The following SLC44A5 variants were observed in gnomAD, a reference collection of about 807,000 sequenced individuals.
SLC44A5 encodes solute carrier family 44 member 5.
In SLC44A5, 57 loss-of-function variants were observed where a neutral mutation model predicts 101.8. That is an observed-to-expected ratio of 0.56 (90% CI 0.45 to 0.70). The LOEUF (loss-of-function observed/expected upper bound fraction) is 0.70, where lower values mean the gene tolerates loss of function less well. Among genes scored for constraint, SLC44A5 ranks in the 30% least tolerant of loss-of-function variants. The pLI is 0.00. For synonymous variants in SLC44A5, 281 were observed against 290.9 expected (o/e 0.97, Z 0.35); for missense variants, 737 against 853.1 (o/e 0.86, Z 1.70).
intron 4 of SLC44A5, among the ~76,000 whole-genome samples, chr1:75,330,106 TACACACACAC>T (rs59962302): frequency 1.3e-4 from 17 of 128,640 alleles, no homozygotes; most frequent in East Asian, 2.1e-4. Context: ...TATATATATA[TACACACACAC>T]ACACACACAC....
chr1:75,440,495 T>A (rs1665134777), intron 2 of SLC44A5, among the ~76,000 whole-genome samples: 1 of 152,072 alleles, frequency 6.6e-6, no homozygotes, highest in African/African-American at 2.4e-5. Context: ...ATAACAAAGC[T>A]AGGGTAAAGG....
chr1:75,626,616 G>A, the SLC44A5 span, among the ~76,000 whole-genome samples: 1 of 152,032 alleles, frequency 6.6e-6, no homozygotes, highest in African/African-American at 2.4e-5. Context: ...CATCCTCTCA[G>A]CCTGCCTTTT....
At chr1:75,383,829 G>A (rs951134861) in intron 3 of SLC44A5, among the ~76,000 whole-genome samples, 5 of 152,096 alleles carry the variant, frequency 3.3e-5, no homozygotes, top group Non-Finnish European at 7.4e-5. Flanking sequence ...ACCCTCAAAG[G>A]GAAGCCCATC....
chr1:75,597,655 C>G (rs778625724), intron 1 of SLC44A5, among the ~76,000 whole-genome samples: 3 of 152,188 alleles, frequency 2.0e-5, no homozygotes, highest in Non-Finnish European at 2.9e-5. Context: ...ACACCTACAA[C>G]TGTCTGATCT....
intron 23 of SLC44A5, 67 bp downstream of exon 23, chr1:75,211,401 T>C (rs550168440): frequency 7.9e-7 from 1 of 1,263,622 alleles, no homozygotes; most frequent in African/African-American, 1.5e-5. Context: ...GCTAAGGACA[T>C]GGGCCTTCAC....
the SLC44A5 span, among the ~76,000 whole-genome samples, chr1:75,657,265 A>G: frequency 8.5e-5 from 13 of 152,298 alleles, no homozygotes; most frequent in Middle Eastern, 3.4e-3. Context: ...GAAAGTGAAG[A>G]GGGCCAGATG....
At chr1:75,393,526 T>C (rs1430597111) in intron 3 of SLC44A5, among the ~76,000 whole-genome samples, 1 of 152,210 alleles carries the variant, frequency 6.6e-6, no homozygotes, top group Non-Finnish European at 1.5e-5. Context: ...AGGGGCAAAG[T>C]AGCCAATATC....
the SLC44A5 span, among the ~76,000 whole-genome samples, chr1:75,640,608 A>G: frequency 6.6e-6 from 1 of 151,946 alleles, no homozygotes; most frequent in African/African-American, 2.4e-5. Flanking sequence ...TCTCTGGGGG[A>G]AATTTTGAAT....
intron 2 of SLC44A5, among the ~76,000 whole-genome samples, chr1:75,511,917 C>A (rs553944696): frequency 2.0e-5 from 3 of 152,292 alleles, no homozygotes; most frequent in African/African-American, 7.2e-5. Context: ...ATTATAATCT[C>A]AACTACATAG....
chr1:75,546,092 G>T (rs1016411290), intron 1 of SLC44A5, among the ~76,000 whole-genome samples: 2 of 151,812 alleles, frequency 1.3e-5, no homozygotes, highest in African/African-American at 4.8e-5. Flanking sequence ...AAAGTGCTGG[G>T]GTTACAACTC....
intron 5 of SLC44A5, 63 bp downstream of exon 5, chr1:75,300,549 T>A: frequency 9.1e-7 from 1 of 1,096,652 alleles, no homozygotes; most frequent in Non-Finnish European, 1.3e-6. Flanking sequence ...TTTTTATATG[T>A]GACACTGACT....
rs115707347 is a variant in SLC44A5 at position 75,362,257 on chromosome 1, T to G, written c.53-22627A>C. On this transcript the variant is annotated intron_variant, in intron 3 of 23. Coordinates refer to ENST00000370859, the MANE Select transcript of SLC44A5 (RefSeq NM_001130058.2). ...TTAAAAAAATGTTCGTTTCATTGAT[T>G]TTTTTTCTATTGTTTTTCTAGTCTC... 8.7e-3 allele frequency among the ~76,000 whole-genome samples: 1,317 copies of G among 152,032 alleles called. 22 individuals carry two copies. The highest frequency in any genetic ancestry group is 0.03 in the African/African-American group (1,263 of 41,522).
chr1:75,468,770 G>C lies in SLC44A5; in HGVS notation c.14-72149C>G, dbSNP rs890450290. Among the ~76,000 whole-genome samples the C allele has an allele frequency of 2.0e-5, 3 of 152,088 alleles. No homozygotes were observed. In the South Asian group the frequency reaches 6.2e-4, roughly 32 times the overall value. ...ACTTAGTATTTGACAGCACAACAGG[G>C]TGACTATAGTCAATGATAATTTAAT... On this transcript the variant is annotated intron_variant, in intron 2 of 23. Coordinates refer to ENST00000370859, the MANE Select transcript of SLC44A5 (RefSeq NM_001130058.2).
intron 2 of SLC44A5, among the ~76,000 whole-genome samples, chr1:75,530,325 C>G (rs1427159892): frequency 2.6e-5 from 4 of 152,004 alleles, no homozygotes; most frequent in African/African-American, 7.2e-5. Flanking sequence ...CAAAGTGAAG[C>G]TTCATGTCCA....
chr1:75,480,090 G>C (rs1411026090), intron 2 of SLC44A5, among the ~76,000 whole-genome samples: 1 of 152,142 alleles, frequency 6.6e-6, no homozygotes, highest in South Asian at 2.1e-4. Flanking sequence ...ATGCAAGGCT[G>C]GTTCAATATA....
At chr1:75,455,799 C>T (rs567005463) in intron 2 of SLC44A5, among the ~76,000 whole-genome samples, 6 of 152,056 alleles carry the variant, frequency 3.9e-5, no homozygotes, top group South Asian at 4.1e-4. Flanking sequence ...AAATCAAAAC[C>T]GTAATGAGAT....
intron 5 of SLC44A5, among the ~76,000 whole-genome samples, chr1:75,286,834 G>A (rs560884760): frequency 6.6e-6 from 1 of 152,118 alleles, no homozygotes; most frequent in South Asian, 2.1e-4. Flanking sequence ...TAATATGATA[G>A]GTTTTCCTTT....
the SLC44A5 span, among the ~76,000 whole-genome samples, chr1:75,689,958 C>CA: frequency 7.8e-4 from 119 of 152,254 alleles, no homozygotes; most frequent in African/African-American, 2.8e-3. Context: ...CCTGATGAAT[C>CA]ACCCTTGGGA....
At chr1:75,467,100 A>G (rs936079922) in intron 2 of SLC44A5, among the ~76,000 whole-genome samples, 1 of 152,292 alleles carries the variant, frequency 6.6e-6, no homozygotes, top group South Asian at 2.1e-4. Context: ...CACAAATTAA[A>G]CTAAATACCT....
Sources: allele counts gnomAD v4.1 joint callset (sites outside exome capture counted in the v4.1 genomes callset), GRCh38; gene constraint gnomAD v4.1.1; transcripts MANE v1.5; gene names NCBI Gene and HGNC (gene_info 2026-07-23, HGNC 2026-07-21).